Variants in SLC29A1 observed in about 807,000 individuals in gnomAD.
SLC29A1 encodes the protein equilibrative nucleoside transporter 1.
SLC29A1 carries 22 observed loss-of-function variants against 48.3 expected under a neutral mutation model. The observed-to-expected ratio is 0.46, with a 90% CI of 0.33 to 0.65. The LOEUF (loss-of-function observed/expected upper bound fraction) is 0.65, where lower values mean the gene tolerates loss of function less well. Among genes scored for constraint, SLC29A1 ranks in the 30% least tolerant of loss-of-function variants. The pLI, the probability that SLC29A1 is intolerant of heterozygous loss-of-function variation, is 0.03. For synonymous variants in SLC29A1, 228 were observed against 231.0 expected, an observed-to-expected ratio of 0.99 and a Z score of 0.12; for missense variants, 491 against 575.3, an observed-to-expected ratio of 0.85 and a Z score of 1.50.
Position 44,232,473 on chromosome 6 carries a change from TC to T in SLC29A1, c.1059+47del. 1 of 1,324,586 alleles carries T rather than the reference TC, an allele frequency of 7.5e-7. No homozygotes were observed. Among genetic ancestry groups the T allele is most frequent in the Non-Finnish European group, 1.1e-6 (1 of 924,600 alleles). 82.1% of individuals were successfully genotyped at this position (1,324,586 alleles called of 1,614,324 possible). A position where few individuals can be genotyped will look rare whatever the true frequency, so the allele number is the denominator to read the frequency against. Reference sequence around the variant, plus strand: ...CCCAGGCCCCTGTGGGAAGTAAGAGTCCAGCCTGGACCCAGAGAGGGAACCC... The same window carrying T: ...CCCAGGCCCCTGTGGGAAGTAAGAGTCAGCCTGGACCCAGAGAGGGAACCC... On this transcript the variant is annotated intron_variant, in intron 11 of 12. Transcript: ENST00000371755. This position sits in a 1 kb window ranked among gnomAD's most constrained non-coding sequence, Gnocchi z 4.7.
intron 2 of SLC29A1, 63 bp downstream of exon 2, chr6:44,227,405 G>A (rs1777817263): frequency 2.1e-6 from 3 of 1,451,888 alleles, no homozygotes; most frequent in South Asian, 1.2e-5. Context: ...TGGGTGTGGT[G>A]TCCTTTGGAA....
At chr6:44,233,071 T>C in intron 12 of SLC29A1, 65 bp downstream of exon 12, 2 of 1,516,418 alleles carry the variant, frequency 1.3e-6, no homozygotes, top group Non-Finnish European at 1.8e-6. Flanking sequence ...TGGGGGACAC[T>C]CAGTAGAGGG....
chr6:44,221,949 C>A (rs1776479077), upstream of SLC29A1, among the ~76,000 whole-genome samples: 2 of 152,338 alleles, frequency 1.3e-5, no homozygotes, highest in South Asian at 4.1e-4. This position sits in a 1 kb window ranked among gnomAD's most constrained non-coding sequence, Gnocchi z 4.2. Flanking sequence ...CCACCTCCAG[C>A]CCCCTCTGTA....
At chr6:44,226,021 A>G (rs1383733733) in intron 1 of SLC29A1, 2 of 772,940 alleles carry the variant, frequency 2.6e-6, no homozygotes, top group Non-Finnish European at 3.1e-6. Context: ...TCTCCTGATA[A>G]CACCCTGTGC....
chr6:44,224,006 G>C, intron 1 of SLC29A1: 1 of 887,226 alleles, frequency 1.1e-6, no homozygotes, highest in African/African-American at 1.8e-5. Flanking sequence ...GGAGGGGTAT[G>C]GGGATGGGGA....
Position 44,229,773 on chromosome 6 carries a change from A to G in SLC29A1, c.296A>G (p.Asn99Ser), listed in dbSNP as rs1226172147. The change falls in exon 4 of 13, where the codon AAC (asparagine) becomes AGC (serine). Residue 99 changes from asparagine (N) to serine (S), a missense_variant. Transcript: ENST00000371755. This position sits in a 1 kb window ranked among gnomAD's most constrained non-coding sequence, Gnocchi z 5.1. ...CCCCTGCTGTTATTCACCTACCTCA[A>G]CTCCTTCCTGCATCAGAGGTGAGTG... Reference protein sequence around the residue: ...MLPLLLFTYLNSFLHQRIPQS... With the variant: ...MLPLLLFTYLSSFLHQRIPQS... 6.2e-7 allele frequency: 1 copy of G among 1,611,704 alleles called. No individual in the cohort carries two copies. The highest frequency in any genetic ancestry group is 1.7e-5 in the Admixed American group (1 of 59,812).
rs1006949966 is a variant in SLC29A1, at chr6:44,229,232, C to T, written c.30-158C>T. Among the ~76,000 whole-genome samples the T allele has an allele frequency of 6.6e-6, 1 of 152,158 alleles. No individual in the cohort carries two copies. Among genetic ancestry groups the T allele is most frequent in the East Asian group, 1.9e-4 (1 of 5,194 alleles). On this transcript the variant is annotated intron_variant, in intron 2 of 12. Transcript: ENST00000371755. This position sits in a 1 kb window ranked among gnomAD's most constrained non-coding sequence, Gnocchi z 5.1. The stretch of plus-strand genomic sequence containing the variant: ...CGAGCAATGTACCCTTTTCTCCCCC[C>T]ACACCCATAAGAGGACACATGCAAA...
upstream of SLC29A1, chr6:44,219,789 G>A: frequency 2.3e-6 from 3 of 1,283,548 alleles, no homozygotes; most frequent in Non-Finnish European, 2.0e-6. Flanking sequence ...GCAGGTGCGC[G>A]GGGCGGGGCC....
chr6:44,230,533 A>T (rs1761642856), intron 6 of SLC29A1, 35 bp from the exon 7 acceptor site: 1 of 1,613,728 alleles, frequency 6.2e-7, no homozygotes, highest in Admixed American at 1.7e-5. Flanking sequence ...GGGAGAGGGG[A>T]TGGGGCCTGT....
At chr6:44,226,665 C>A in intron 1 of SLC29A1, 1 of 868,260 alleles carries the variant, frequency 1.2e-6, no homozygotes, top group Non-Finnish European at 1.4e-6. Flanking sequence ...CAGCCCCACT[C>A]TAGCCATGAA....
upstream of SLC29A1, among the ~76,000 whole-genome samples, chr6:44,223,173 G>A (rs568507674): frequency 6.6e-6 from 1 of 152,312 alleles, no homozygotes; most frequent in East Asian, 1.9e-4. The surrounding 1 kb of genome is among the most constrained non-coding windows in gnomAD (Gnocchi z 5.0). Flanking sequence ...AGGAAGCGCG[G>A]CGTGGGCAGG....
At chr6:44,223,483 G>C (rs1776714204), upstream of SLC29A1, 4 of 984,684 alleles carry the variant, frequency 4.1e-6, no homozygotes, top group Non-Finnish European at 4.9e-6. The surrounding 1 kb of genome is among the most constrained non-coding windows in gnomAD (Gnocchi z 5.0). Context: ...GGGGTGGCAG[G>C]GGTGGGCCGG....
chr6:44,223,656 C>CGGGGACT lies in SLC29A1; in HGVS notation c.-52+31_-52+37dup, dbSNP rs772888768. Reference sequence around the variant, plus strand: ...TTCTGCGGCAGGTGCTGCCCGGGGCCGGGGACTGGGGACTGGGGACTGCCG... The same window carrying CGGGGACT: ...TTCTGCGGCAGGTGCTGCCCGGGGCCGGGGACTGGGGACTGGGGACTGGGGACTGCCG... On this transcript the variant is annotated intron_variant, in intron 1 of 12. Coordinates refer to ENST00000371755, the MANE Select transcript of SLC29A1 (RefSeq NM_001372327.1). This position sits in a 1 kb window ranked among gnomAD's most constrained non-coding sequence, Gnocchi z 5.0. 839 of 1,197,984 alleles carry CGGGGACT rather than the reference C, an allele frequency of 7.0e-4. 2 individuals carry two copies. In the African/African-American group the frequency reaches 0.011, roughly 16 times the overall value. 74.2% of individuals were successfully genotyped at this position (1,197,984 alleles called of 1,614,324 possible). A position where few individuals can be genotyped will look rare whatever the true frequency, so the allele number is the denominator to read the frequency against.
Position 44,223,864 on chromosome 6 carries a change from G to A in SLC29A1, c.-52+223G>A. ...GCGGGGACCGGGACCCAAGCTGGGCGGGGCGGCCTGGCTCCCGGGCCTAAA... is the reference window on the plus strand; with the variant it reads ...GCGGGGACCGGGACCCAAGCTGGGCAGGGCGGCCTGGCTCCCGGGCCTAAA... On this transcript the variant is annotated intron_variant, in intron 1 of 12. Coordinates refer to ENST00000371755, the MANE Select transcript of SLC29A1 (RefSeq NM_001372327.1). The surrounding 1 kb of genome is among the most constrained non-coding windows in gnomAD (Gnocchi z 5.0). The A allele has an allele frequency of 3.0e-6, 3 of 998,420 alleles. No homozygotes were observed. Among genetic ancestry groups the A allele is most frequent in the Non-Finnish European group, 3.6e-6 (3 of 838,316 alleles). 61.8% of individuals were successfully genotyped at this position (998,420 alleles called of 1,614,324 possible). A position where few individuals can be genotyped will look rare whatever the true frequency, so the allele number is the denominator to read the frequency against.
intron 1 of SLC29A1, among the ~76,000 whole-genome samples, chr6:44,224,303 C>G (rs1777006552): frequency 6.6e-6 from 1 of 151,776 alleles, no homozygotes. Context: ...GCCTACTCCT[C>G]TCGGTGGCCT....
chr6:44,227,030 C>CCAGGTAGGGAGCCAGGTA, intron 1 of SLC29A1: 1 of 1,295,220 alleles, frequency 7.7e-7, no homozygotes, highest in Non-Finnish European at 9.8e-7. Context: ...GCGGCCAGGC[C>CCAGGTAGGGAGCCAGGTA]GGGAGCCAGG....
rs577992645 is a variant in SLC29A1 at position 44,225,989 on chromosome 6, C to A, written c.-51-1274C>A. 1.1e-4 allele frequency: 49 copies of A among 448,372 alleles called. No individual in the cohort carries two copies. In the South Asian group the frequency reaches 4.0e-3, roughly 36 times the overall value. The allele number at this position is 448,372 out of a possible 1,614,324, so 27.8% of individuals were successfully genotyped here. A position where few individuals can be genotyped will look rare whatever the true frequency, so the allele number is the denominator to read the frequency against. ...GCTTGCAAGGCTTCTCAGAATGGGG[C>A]CCCATGAAGCCTGAGGGACTCTCTC... is the stretch of plus-strand genomic sequence containing the variant. On this transcript the variant is annotated intron_variant, in intron 1 of 12. Transcript: ENST00000371755.
intron 5 of SLC29A1, 81 bp from the exon 6 acceptor site, chr6:44,230,266 G>A (rs1476991392): frequency 1.0e-5 from 16 of 1,562,460 alleles, no homozygotes; most frequent in African/African-American, 2.7e-5. Flanking sequence ...GAGTAAAGTA[G>A]GAATGACAGG....
chr6:44,221,686 G>A (rs1279743530), upstream of SLC29A1: 2 of 1,284,150 alleles, frequency 1.6e-6, no homozygotes, highest in Admixed American at 4.6e-5. This position sits in a 1 kb window ranked among gnomAD's most constrained non-coding sequence, Gnocchi z 4.2. Flanking sequence ...CAAGGCCTGT[G>A]TAAGTTGGGG....
Sources: allele counts gnomAD v4.1 joint callset (sites outside exome capture counted in the v4.1 genomes callset), GRCh38; gene constraint gnomAD v4.1.1; non-coding constraint Gnocchi (gnomAD v3.1); transcripts MANE v1.5; gene names NCBI Gene and HGNC (gene_info 2026-07-23, HGNC 2026-07-21).